Variants in ACOXL observed in about 807,000 individuals in gnomAD.
The protein encoded by ACOXL is acyl-coenzyme A oxidase-like protein.
A neutral mutation model predicts 71.9 loss-of-function variants in ACOXL; 70 were observed. That is an observed-to-expected ratio of 0.97 (90% CI 0.80 to 1.19). The LOEUF (loss-of-function observed/expected upper bound fraction) is 1.19, where lower values mean the gene tolerates loss of function less well. ACOXL is among the 50% of genes most tolerant of loss of function. The pLI is 0.00. For synonymous variants in ACOXL, 253 were observed against 281.6 expected, an observed-to-expected ratio of 0.90 and a Z score of 1.02; for missense variants, 703 against 736.3, an observed-to-expected ratio of 0.95 and a Z score of 0.52.
intron 14 of ACOXL, among the ~76,000 whole-genome samples, chr2:110,997,909 G>C (rs1233263718): frequency 6.6e-6 from 1 of 152,024 alleles, no homozygotes; most frequent in Non-Finnish European, 1.5e-5. Flanking sequence ...AAATTAGCCA[G>C]GTGTGGCAGC....
chr2:110,786,418 C>T lies in ACOXL; in HGVS notation c.159+1603C>T, dbSNP rs868618999. 5.3e-5 allele frequency among the ~76,000 whole-genome samples: 8 copies of T among 152,294 alleles called. No individual in the cohort carries two copies. In the East Asian group the frequency reaches 5.8e-4, roughly 11 times the overall value. On this transcript the variant is annotated intron_variant, in intron 3 of 17. Coordinates refer to ENST00000439055, the MANE Select transcript of ACOXL (RefSeq NM_001142807.4). ...GGCTCCCTGTGATTTCAGCCAGGCA[C>T]GATCTCTTCCCTCTTGGATGGGTTG...
At chr2:111,111,016 A>C (rs2069908162) in intron 17 of ACOXL, among the ~76,000 whole-genome samples, 1 of 150,912 alleles carries the variant, frequency 6.6e-6, no homozygotes, top group Non-Finnish European at 1.5e-5. Flanking sequence ...ACTGAAGATT[A>C]TTCCTTCTTG....
Position 110,788,705 on chromosome 2 carries a change from A to G in ACOXL, c.159+3890A>G, listed in dbSNP as rs780367735. On this transcript the variant is annotated intron_variant, in intron 3 of 17. Transcript: ENST00000439055. ...TATTATTAACTATGCTGTCCCACAC[A>G]TCAGTAATTGTGGGAGATTTTTCTT... 9.6e-4 allele frequency among the ~76,000 whole-genome samples: 146 copies of G among 152,262 alleles called. 1 individual carries two copies. Among genetic ancestry groups the G allele is most frequent in the Non-Finnish European group, 1.9e-3 (129 of 68,044 alleles).
chr2:111,008,091 A>G (rs754794449), intron 14 of ACOXL, among the ~76,000 whole-genome samples: 1 of 152,224 alleles, frequency 6.6e-6, no homozygotes, highest in Non-Finnish European at 1.5e-5. Flanking sequence ...TTAACCTTAC[A>G]GTATCTAGTC....
intron 10 of ACOXL, among the ~76,000 whole-genome samples, chr2:110,842,493 A>G (rs764322034): frequency 6.6e-6 from 1 of 152,240 alleles, no homozygotes; most frequent in Non-Finnish European, 1.5e-5. Flanking sequence ...TTTATATAAC[A>G]TGGGAGCTCT....
At chr2:110,814,012 G>A (rs1303715996) in intron 9 of ACOXL, among the ~76,000 whole-genome samples, 3 of 152,200 alleles carry the variant, frequency 2.0e-5, no homozygotes, top group African/African-American at 7.2e-5. Flanking sequence ...GAGTGGCTTT[G>A]TAGTCCTCAA....
At position 110,833,396 on chromosome 2, in the gene ACOXL, C is replaced by T. The variant is rs1174962554; in HGVS notation, c.754-7975C>T. Among the ~76,000 whole-genome samples the T allele has an allele frequency of 7.2e-5, 11 of 152,258 alleles. No homozygotes were observed. In the East Asian group the frequency reaches 9.7e-4, roughly 13 times the overall value. ...ATTATGGAAACGGAGAGCAGATTAG[C>T]GGCTGCCAGGGGCTAAGGAGTGGGC... is the stretch of plus-strand genomic sequence containing the variant. On this transcript the variant is annotated intron_variant, in intron 9 of 17. Transcript: ENST00000439055.
At chr2:111,005,996 C>G (rs2063854958) in intron 14 of ACOXL, among the ~76,000 whole-genome samples, 2 of 152,178 alleles carry the variant, frequency 1.3e-5, no homozygotes, top group African/African-American at 4.8e-5. Context: ...GTCTGAATGG[C>G]AGATGTTTTA....
intron 1 of ACOXL, among the ~76,000 whole-genome samples, chr2:110,760,912 A>G (rs1680319441): frequency 6.6e-6 from 1 of 152,226 alleles, no homozygotes; most frequent in African/African-American, 2.4e-5. Context: ...CTAGGTCCAG[A>G]TTTAAGGGGT....
chr2:110,996,039 CAT>C (rs942250816), intron 14 of ACOXL, 35 bp downstream of exon 14: 1 of 1,541,558 alleles, frequency 6.5e-7, no homozygotes, highest in African/African-American at 1.4e-5. Context: ...TTCCTTTTGA[CAT>C]GTGTTTAAGG....
At chr2:110,740,715 A>G (rs181512509) in intron 1 of ACOXL, among the ~76,000 whole-genome samples, 1 of 152,352 alleles carries the variant, frequency 6.6e-6, no homozygotes, top group Admixed American at 6.5e-5. Context: ...AGAGCTAAGG[A>G]TGCTCCATGA....
intron 16 of ACOXL, among the ~76,000 whole-genome samples, chr2:111,054,519 A>T (rs2066438818): frequency 1.3e-5 from 2 of 152,186 alleles, no homozygotes; most frequent in Admixed American, 6.5e-5. Context: ...GCTCCCCAGG[A>T]AGGCTCCACT....
chr2:111,049,268 GA>G lies in ACOXL; in HGVS notation c.1421del (p.Asp474AlafsTer5). ...AGTGAAGAGCTGTCCTGACCAAGAGGACCAGACTTTGTTAATGAAGGTAGGT... is the reference window on the plus strand; with the variant it reads ...AGTGAAGAGCTGTCCTGACCAAGAGGCCAGACTTTGTTAATGAAGGTAGGT... ...LAVKSCPDQE[D>X]QTLLMKFCLL... On this transcript the variant is annotated frameshift_variant, in exon 16 of 18. Transcript: ENST00000439055. LOFTEE classifies it high-confidence loss of function. 6.2e-7 allele frequency: 1 copy of G among 1,611,788 alleles called. No individual in the cohort carries two copies. The highest frequency in any genetic ancestry group is 8.5e-7 in the Non-Finnish European group (1 of 1,177,914).
intron 10 of ACOXL, among the ~76,000 whole-genome samples, chr2:110,895,685 G>GAA (rs773549716): frequency 6.6e-6 from 1 of 151,330 alleles, no homozygotes. Flanking sequence ...GAGAGAGAGA[G>GAA]AAACAATTGG....
intron 11 of ACOXL, among the ~76,000 whole-genome samples, chr2:110,931,248 T>TCTCCAC (rs1334273930): frequency 6.6e-6 from 1 of 152,172 alleles, no homozygotes; most frequent in Non-Finnish European, 1.5e-5. Flanking sequence ...CTGGTGCACC[T>TCTCCAC]CTCCACCTGG....
intron 10 of ACOXL, among the ~76,000 whole-genome samples, chr2:110,881,371 A>G (rs1255775608): frequency 1.3e-5 from 2 of 152,090 alleles, no homozygotes; most frequent in Non-Finnish European, 2.9e-5. Context: ...AATCTCTGGT[A>G]ACTTAAAAAT....
intron 9 of ACOXL, among the ~76,000 whole-genome samples, chr2:110,807,578 C>T (rs1686820953): frequency 2.6e-5 from 4 of 152,174 alleles, no homozygotes; most frequent in African/African-American, 7.2e-5. Flanking sequence ...CCGGAGTTAG[C>T]ACCTGCCCTG....
intron 14 of ACOXL, among the ~76,000 whole-genome samples, chr2:111,016,108 AT>A (rs34690566): frequency 1.3e-5 from 2 of 149,850 alleles, no homozygotes; most frequent in East Asian, 2.0e-4. Context: ...AATTTTTTTA[AT>A]TTTTTTTTTT....
chr2:110,818,991 C>T (rs1231021405), intron 9 of ACOXL, among the ~76,000 whole-genome samples: 1 of 66,712 alleles, frequency 1.5e-5, no homozygotes, highest in East Asian at 4.7e-4. Flanking sequence ...TATTCAGCAC[C>T]TAAGGTACTG....
Sources: gnomAD v4.1 joint callset for allele counts (sites outside exome capture counted in the v4.1 genomes callset) on GRCh38, gnomAD v4.1.1 for gene constraint, MANE v1.5 for transcripts, NCBI Gene and HGNC (gene_info 2026-07-23, HGNC 2026-07-21) for gene names.